The following TRABD2B variants were observed in gnomAD, a reference collection of about 807,000 sequenced individuals.
The protein encoded by TRABD2B is metalloprotease TIKI2.
In TRABD2B, 14 loss-of-function variants were observed where a neutral mutation model predicts 40.1. The observed-to-expected ratio is 0.35, with a 90% CI of 0.23 to 0.55. The LOEUF is 0.55. TRABD2B is among the 20% of genes least tolerant of loss of function. The probability of loss-of-function intolerance (pLI) is 0.90; values close to 1 mark genes in which losing one functional copy is unlikely to be tolerated. For missense variants in TRABD2B, 541 were observed against 648.6 expected (o/e 0.83, Z 1.80); for synonymous variants, 263 against 277.0 (o/e 0.95, Z 0.50).
At chr1:47,993,199 G>A (rs1396473469) in intron 2 of TRABD2B, among the ~76,000 whole-genome samples, 2 of 152,262 alleles carry the variant, frequency 1.3e-5, no homozygotes, top group Admixed American at 6.5e-5. Context: ...TGACAGCCCC[G>A]TTCTCAAGGC....
At chr1:47,819,425 C>T (rs894495057) in intron 2 of TRABD2B, 17 of 152,190 alleles carry the variant, frequency 1.1e-4, no homozygotes, top group South Asian at 2.1e-4. Flanking sequence ...AGGCTGAAAC[C>T]GAAGCCGCCT....
At chr1:47,790,601 G>A (rs1210682267) in intron 4 of TRABD2B, among the ~76,000 whole-genome samples, 1 of 152,240 alleles carries the variant, frequency 6.6e-6, no homozygotes, top group Non-Finnish European at 1.5e-5. Flanking sequence ...CAACACTTTT[G>A]TATGCATACA....
At chr1:47,893,401 G>A (rs947078686) in intron 2 of TRABD2B, among the ~76,000 whole-genome samples, 1 of 152,164 alleles carries the variant, frequency 6.6e-6, no homozygotes, top group Admixed American at 6.5e-5. Context: ...TCAGACTTAA[G>A]TAGAAACCCT....
At chr1:47,822,952 A>G (rs1351840531) in intron 2 of TRABD2B, among the ~76,000 whole-genome samples, 1 of 152,168 alleles carries the variant, frequency 6.6e-6, no homozygotes, top group South Asian at 2.1e-4. Flanking sequence ...TTATCTGAGT[A>G]CCTCCAAGGT....
chr1:47,972,484 T>C (rs1419395005), intron 2 of TRABD2B, among the ~76,000 whole-genome samples: 1 of 152,186 alleles, frequency 6.6e-6, no homozygotes, highest in African/African-American at 2.4e-5. Flanking sequence ...CCCTAGTGAA[T>C]GGGATTAGCA....
chr1:47,794,718 C>T lies in TRABD2B; in HGVS notation c.856G>A (p.Val286Met), dbSNP rs1002769207. 4 of 1,536,070 alleles carry T rather than the reference C, an allele frequency of 2.6e-6. No homozygotes were observed. The highest frequency in any genetic ancestry group is 1.2e-5 in the South Asian group (1 of 83,982). ...INTTLPPHEQVTAQEIDSYFR... is the reference protein window; with the variant it reads ...INTTLPPHEQMTAQEIDSYFR... ...TAGCTGTCAATCTCCTGGGCCGTCACCTGCTCGTGTGGCGGGAGGGTGGTG... is the reference window on the plus strand; with the variant it reads ...TAGCTGTCAATCTCCTGGGCCGTCATCTGCTCGTGTGGCGGGAGGGTGGTG... The change falls in exon 4 of 7, where the codon GTG (valine) becomes ATG (methionine). Residue 286 changes from valine (V) to methionine (M), a missense_variant. This residue lies in a region of TRABD2B where 369 missense variants were observed against 492.8 expected (regional missense o/e 0.75). Coordinates refer to ENST00000606738, the MANE Select transcript of TRABD2B (RefSeq NM_001194986.2).
intron 3 of TRABD2B, among the ~76,000 whole-genome samples, chr1:47,801,184 C>T (rs190205402): frequency 6.6e-6 from 1 of 152,286 alleles, no homozygotes; most frequent in East Asian, 1.9e-4. Context: ...TAGAACTGAA[C>T]CTCTGAGGCC....
At chr1:47,824,088 G>A (rs1219719729) in intron 2 of TRABD2B, among the ~76,000 whole-genome samples, 5 of 152,152 alleles carry the variant, frequency 3.3e-5, no homozygotes, top group Non-Finnish European at 7.3e-5. Context: ...CATCCTTCCT[G>A]AGCCTGGATT....
intron 2 of TRABD2B, among the ~76,000 whole-genome samples, chr1:47,955,998 C>A (rs1645416032): frequency 6.6e-6 from 1 of 152,242 alleles, no homozygotes; most frequent in Non-Finnish European, 1.5e-5. Context: ...TGGCTTCTGA[C>A]TGCCCTGCCT....
intron 2 of TRABD2B, among the ~76,000 whole-genome samples, chr1:47,968,349 T>C (rs530607670): frequency 6.6e-6 from 1 of 152,308 alleles, no homozygotes; most frequent in East Asian, 1.9e-4. Context: ...ACAACCACTA[T>C]GGTTTTACTC....
intron 2 of TRABD2B, among the ~76,000 whole-genome samples, chr1:47,851,264 T>A (rs1645546375): frequency 6.7e-6 from 1 of 149,298 alleles, no homozygotes; most frequent in Admixed American, 6.6e-5. Flanking sequence ...CCATGCTCCA[T>A]GGCCCACCCC....
intron 2 of TRABD2B, among the ~76,000 whole-genome samples, chr1:47,983,672 T>C (rs547005577): frequency 6.6e-6 from 1 of 150,766 alleles, no homozygotes; most frequent in Non-Finnish European, 1.5e-5. Context: ...GCCACCCAGC[T>C]GGATATCTGG....
At chr1:47,850,158 C>G (rs1247757113) in intron 2 of TRABD2B, among the ~76,000 whole-genome samples, 3 of 152,246 alleles carry the variant, frequency 2.0e-5, no homozygotes, top group African/African-American at 7.2e-5. Flanking sequence ...AGGGAGCTTT[C>G]CCCTAGTCAC....
At chr1:47,853,581 C>G (rs1643859481) in intron 2 of TRABD2B, among the ~76,000 whole-genome samples, 2 of 152,288 alleles carry the variant, frequency 1.3e-5, no homozygotes, top group South Asian at 4.1e-4. Flanking sequence ...CTCTGGGAGC[C>G]TAGCTCAGGG....
chr1:47,989,761 CACACACACACACAA>C (rs1230241128), intron 2 of TRABD2B, among the ~76,000 whole-genome samples: 2 of 151,744 alleles, frequency 1.3e-5, no homozygotes, highest in Non-Finnish European at 2.9e-5. Flanking sequence ...CACACACACA[CACACACACACACAA>C]ACACACACAC....
chr1:47,920,621 T>C (rs779812966), intron 2 of TRABD2B, among the ~76,000 whole-genome samples: 2 of 152,218 alleles, frequency 1.3e-5, no homozygotes, highest in African/African-American at 2.4e-5. Context: ...GCAGCCAAGA[T>C]GTGCAGTCAA....
At chr1:47,943,359 A>G (rs1172009250) in intron 2 of TRABD2B, among the ~76,000 whole-genome samples, 1 of 152,228 alleles carries the variant, frequency 6.6e-6, no homozygotes, top group Non-Finnish European at 1.5e-5. Context: ...ACGTCCCATT[A>G]TTACAAGTCA....
At chr1:47,963,541 G>A (rs1171680519) in intron 2 of TRABD2B, among the ~76,000 whole-genome samples, 1 of 152,192 alleles carries the variant, frequency 6.6e-6, no homozygotes, top group Non-Finnish European at 1.5e-5. Context: ...AATTTTGAAG[G>A]TCAGGGAAAT....
chr1:47,990,768 GTTTTATAT>G (rs1645990629), intron 2 of TRABD2B, among the ~76,000 whole-genome samples: 1 of 44,938 alleles, frequency 2.2e-5, no homozygotes, highest in Non-Finnish European at 3.8e-5. Flanking sequence ...TAAAACGTTG[GTTTTATAT>G]ATATATATAT....
Sources: gnomAD v4.1 joint callset for allele counts (sites outside exome capture counted in the v4.1 genomes callset) on GRCh38, gnomAD v4.1.1 for gene constraint, gnomAD v4.1.1 regional missense constraint, MANE v1.5 for transcripts, NCBI Gene and HGNC (gene_info 2026-07-23, HGNC 2026-07-21) for gene names.